Variants in SERHL2 observed in about 807,000 individuals in gnomAD.
The protein encoded by SERHL2 is serine hydrolase-like protein 2.
In SERHL2, 29 loss-of-function variants were observed where a neutral mutation model predicts 25.5. The ratio of observed to expected loss-of-function variants is 1.14; its 90% CI spans 0.85 to 1.55. The LOEUF (loss-of-function observed/expected upper bound fraction) is 1.55. Among genes scored for constraint, SERHL2 ranks in the 40% most tolerant of loss-of-function variants. The pLI is 0.00. For missense variants in SERHL2, 240 were observed against 252.3 expected (o/e 0.95, Z 0.33); for synonymous variants, 95 against 103.5 (o/e 0.92, Z 0.50).
At chr22:42,554,310 C>A (rs1921966888) in intron 1 of SERHL2, among the ~76,000 whole-genome samples, 1 of 152,106 alleles carries the variant, frequency 6.6e-6, no homozygotes, top group African/African-American at 2.4e-5. Flanking sequence ...AAGTCTCCAG[C>A]CTTGCAGAGA....
chr22:42,569,720 A>T (rs959952387), intron 9 of SERHL2: 1 of 151,572 alleles, frequency 6.6e-6, no homozygotes, highest in African/African-American at 2.4e-5. Context: ...CAGTATGGGA[A>T]CCCCTGTTTC....
rs1924653384 is a variant in SERHL2, at chr22:42,574,012, G to C, written c.902G>C (p.Ser301Thr). The C allele has an allele frequency of 1.2e-6, 2 of 1,606,692 alleles. No individual in the cohort carries two copies. Among genetic ancestry groups the C allele is most frequent in the Non-Finnish European group, 8.5e-7 (1 of 1,175,722 alleles). The change falls in exon 12 of 12, where the codon AGC becomes ACC. Residue 301 changes from serine (S) to threonine (T), a missense_variant. Transcript: ENST00000327678. ...SEPQHVASIISSFLQCTHMLP... is the reference protein window; with the variant it reads ...SEPQHVASIITSFLQCTHMLP... ...CCCCAGCACGTGGCCAGTATCATCA[G>C]CTCCTTCTTACAGTGCACACACATG...
chr22:42,572,936 CT>C (rs1481508122), intron 11 of SERHL2: 1 of 159,768 alleles, frequency 6.3e-6, no homozygotes, highest in African/African-American at 2.4e-5. Context: ...TCCCGAAGTG[CT>C]GGTTTTGTAG....
At chr22:42,554,298 G>A (rs1569272227) in intron 1 of SERHL2, among the ~76,000 whole-genome samples, 1 of 152,112 alleles carries the variant, frequency 6.6e-6, no homozygotes, top group South Asian at 2.1e-4. Context: ...TCGGGGGTGC[G>A]CAAGTCTCCA....
intron 9 of SERHL2, among the ~76,000 whole-genome samples, chr22:42,568,705 C>A (rs1371680413): frequency 1.3e-5 from 2 of 152,006 alleles, no homozygotes; most frequent in Non-Finnish European, 2.9e-5. Context: ...TTGCTCATGC[C>A]TGTAATCCCA....
intron 9 of SERHL2, chr22:42,569,535 C>T (rs1348385582): frequency 6.6e-6 from 1 of 151,924 alleles, no homozygotes; most frequent in Non-Finnish European, 1.5e-5. Flanking sequence ...GGTGGGATTA[C>T]AGGCGTGAGT....
Position 42,567,634 on chromosome 22 carries a change from G to T in SERHL2, c.648+1296G>T, listed in dbSNP as rs138395559. ...AGCCGAGATTGCGCCACTGCAGTTC[G>T]CAGTCCGGCCTGGGCGACAGAGCGA... On this transcript the variant is annotated intron_variant, in intron 9 of 11. Transcript: ENST00000327678. 4.2e-3 allele frequency among the ~76,000 whole-genome samples: 632 copies of T among 151,282 alleles called. 4 individuals carry two copies. Among genetic ancestry groups the T allele is most frequent in the African/African-American group, 0.015 (615 of 41,330 alleles).
rs760486563 is a variant in SERHL2 at position 42,574,085 on chromosome 22, G to C, written c.*30G>C. ...GGGCCTGGAACTATGAAGACCTAGT[G>C]CTCCCAGACTCAACACTGGGACTCT... On this transcript the variant is annotated 3_prime_UTR_variant, in exon 12 of 12. Coordinates refer to ENST00000327678, the MANE Select transcript of SERHL2 (RefSeq NM_014509.5). 3.1e-6 allele frequency: 5 copies of C among 1,604,784 alleles called. No individual in the cohort carries two copies. The highest frequency in any genetic ancestry group is 4.3e-6 in the Non-Finnish European group (5 of 1,172,384).
In SERHL2 at chr22:42,564,938, C is replaced by G. The variant is rs140112527; in HGVS notation, c.614-1366C>G. ...TGAGTCTTCCCAGTAGCTGGGACTA[C>G]AGGAGTGTGCCACCATGCTCGGCGC... is the stretch of plus-strand genomic sequence containing the variant. On this transcript the variant is annotated intron_variant, in intron 8 of 11. Coordinates refer to ENST00000327678, the MANE Select transcript of SERHL2 (RefSeq NM_014509.5). 108 of 151,428 alleles carry G rather than the reference C, an allele frequency of 7.1e-4. 2 individuals carry two copies. The highest frequency in any genetic ancestry group is 1.4e-3 in the Non-Finnish European group (96 of 67,988). 9.4% of individuals were successfully genotyped at this position (151,428 alleles called of 1,614,324 possible).
At chr22:42,571,272 G>T in intron 10 of SERHL2, 69 bp downstream of exon 10, 1 of 1,601,422 alleles carries the variant, frequency 6.2e-7, no homozygotes, top group East Asian at 2.3e-5. Flanking sequence ...TCCGGGAGGG[G>T]GCCCTGGCAT....
At chr22:42,567,098 A>G (rs1053212741) in intron 9 of SERHL2, among the ~76,000 whole-genome samples, 17 of 152,244 alleles carry the variant, frequency 1.1e-4, no homozygotes, top group African/African-American at 4.1e-4. Context: ...TCAGGTGCTC[A>G]TGGCCTGTGC....
intron 8 of SERHL2, among the ~76,000 whole-genome samples, chr22:42,561,015 G>C (rs1449895226): frequency 1.3e-5 from 2 of 151,994 alleles, no homozygotes; most frequent in Non-Finnish European, 2.9e-5. Flanking sequence ...AACTCCAGGG[G>C]CTGCTGTGCA....
chr22:42,561,033 C>T (rs898695299), intron 8 of SERHL2, among the ~76,000 whole-genome samples: 10 of 151,844 alleles, frequency 6.6e-5, no homozygotes, highest in South Asian at 2.1e-4. Flanking sequence ...GCACAAATGG[C>T]GCCCCCTGGA....
At chr22:42,562,682 G>A (rs1158459639) in intron 8 of SERHL2, among the ~76,000 whole-genome samples, 2 of 151,924 alleles carry the variant, frequency 1.3e-5, no homozygotes, top group Non-Finnish European at 2.9e-5. Context: ...CTGCTCCTAC[G>A]GACTCCAGGA....
intron 8 of SERHL2, among the ~76,000 whole-genome samples, chr22:42,562,519 C>T (rs966893455): frequency 1.3e-5 from 2 of 151,616 alleles, no homozygotes; most frequent in Non-Finnish European, 1.5e-5. Context: ...TTACAGAGTG[C>T]GTGAGAAGGG....
chr22:42,571,441 G>A, intron 10 of SERHL2: 1 of 1,365,144 alleles, frequency 7.3e-7, no homozygotes, highest in Non-Finnish European at 9.4e-7. Flanking sequence ...CTTTCCACAG[G>A]TGTCAGCGGG....
At position 42,573,996 on chromosome 22, in the gene SERHL2, G is replaced by A. The variant is rs754746774; in HGVS notation, c.886G>A (p.Val296Met). 261 of 1,536,404 alleles carry A rather than the reference G, an allele frequency of 1.7e-4. 10 individuals carry two copies. The highest frequency in any genetic ancestry group is 9.5e-4 in the South Asian group (86 of 90,194). ...TGTCCACATGAGCGAACCCCAGCAC[G>A]TGGCCAGTATCATCAGCTCCTTCTT... is the stretch of plus-strand genomic sequence containing the variant. Reference protein sequence around the residue: ...HCVHMSEPQHVASIISSFLQC... With the variant: ...HCVHMSEPQHMASIISSFLQC... Residue 296 changes from valine to methionine, a missense_variant, in exon 12 of 12, where the codon GTG becomes ATG. Physicochemically the swap from Val to Met is conservative, Grantham distance 21. This residue lies in a region of SERHL2 where 212 missense variants were observed against 168.9 expected (regional missense o/e 1.25). Coordinates refer to ENST00000327678, the MANE Select transcript of SERHL2 (RefSeq NM_014509.5).
chr22:42,566,484 A>T, intron 9 of SERHL2, 146 bp downstream of exon 9: 1 of 720,532 alleles, frequency 1.4e-6, no homozygotes, highest in Non-Finnish European at 2.3e-6. Context: ...CTTGAATGGG[A>T]GGCAGAGGTT....
chr22:42,566,558 G>A (rs1318896567), intron 9 of SERHL2, among the ~76,000 whole-genome samples: 174 of 142,128 alleles, frequency 1.2e-3, no homozygotes, highest in African/African-American at 2.0e-3. Flanking sequence ...TCCATCTCAA[G>A]AAAAAAAAAA....
Sources: allele counts gnomAD v4.1 joint callset (sites outside exome capture counted in the v4.1 genomes callset), GRCh38; gene constraint gnomAD v4.1.1; regional missense constraint gnomAD v4.1.1; transcripts MANE v1.5; gene names NCBI Gene and HGNC (gene_info 2026-07-23, HGNC 2026-07-21).